The following EFCAB6 variants were observed in gnomAD, a reference collection of about 807,000 sequenced individuals.
EFCAB6 encodes the protein EF-hand calcium-binding domain-containing protein 6.
A neutral mutation model predicts 169.8 loss-of-function variants in EFCAB6; 156 were observed. That is an observed-to-expected ratio of 0.92 (90% CI 0.81 to 1.05). The LOEUF (loss-of-function observed/expected upper bound fraction) is 1.05. EFCAB6 is among the 50% of genes least tolerant of loss of function. EFCAB6 has a pLI of 0.00. For synonymous variants in EFCAB6, 698 were observed against 676.4 expected, an observed-to-expected ratio of 1.03 and a Z score of -0.50; for missense variants, 1,800 against 1,829.1, an observed-to-expected ratio of 0.98 and a Z score of 0.29.
chr22:43,693,265 T>G (rs2058469469), intron 10 of EFCAB6, among the ~76,000 whole-genome samples: 1 of 151,802 alleles, frequency 6.6e-6, no homozygotes, highest in African/African-American at 2.4e-5. Context: ...GTGATCAAGG[T>G]CAACATCAAC....
chr22:43,779,224 C>T (rs544543466), intron 3 of EFCAB6, among the ~76,000 whole-genome samples: 276 of 152,268 alleles, frequency 1.8e-3, no homozygotes, highest in Non-Finnish European at 2.9e-3. Flanking sequence ...TGACTATGAA[C>T]TCAGGTCTAT....
chr22:43,636,601 GTTCTT>G (rs1434325575), intron 17 of EFCAB6, among the ~76,000 whole-genome samples: 16 of 147,850 alleles, frequency 1.1e-4, no homozygotes, highest in East Asian at 7.9e-4. Context: ...TTCAAACCCA[GTTCTT>G]TTCTTTTTTT....
At chr22:43,571,459 G>T (rs1172745674) in intron 26 of EFCAB6, among the ~76,000 whole-genome samples, 1 of 152,126 alleles carries the variant, frequency 6.6e-6, no homozygotes, top group African/African-American at 2.4e-5. Context: ...TGAGCTTAAG[G>T]ATGATGCATT....
At chr22:43,708,021 T>C (rs2059016575) in intron 10 of EFCAB6, among the ~76,000 whole-genome samples, 2 of 103,340 alleles carry the variant, frequency 1.9e-5, no homozygotes, top group East Asian at 2.6e-4. Flanking sequence ...AAAACCACTA[T>C]AAGAATAGAA....
At chr22:43,677,893 C>G in intron 13 of EFCAB6, 103 bp downstream of exon 13, 1 of 1,199,350 alleles carries the variant, frequency 8.3e-7, no homozygotes, top group Non-Finnish European at 1.1e-6. Context: ...ACTGTAAAGT[C>G]GTTAATTTAT....
At chr22:43,750,484 A>G (rs58026138) in intron 6 of EFCAB6, among the ~76,000 whole-genome samples, 67 of 152,354 alleles carry the variant, frequency 4.4e-4, no homozygotes, top group African/African-American at 1.4e-3. Flanking sequence ...TATTTTCTTC[A>G]GATGAAAGAG....
chr22:43,583,424 CTTTATT>C (rs1417839247), intron 24 of EFCAB6, among the ~76,000 whole-genome samples: 1 of 151,548 alleles, frequency 6.6e-6, no homozygotes, highest in African/African-American at 2.4e-5. Flanking sequence ...ATGGATTTGT[CTTTATT>C]TGACAAGGTA....
intron 2 of EFCAB6, among the ~76,000 whole-genome samples, chr22:43,784,046 G>A (rs1475456702): frequency 1.3e-5 from 2 of 152,134 alleles, no homozygotes; most frequent in African/African-American, 4.8e-5. Flanking sequence ...TCCAGCCTGG[G>A]CAACAGAGAA....
intron 17 of EFCAB6, among the ~76,000 whole-genome samples, chr22:43,662,930 A>G (rs1439182743): frequency 1.3e-5 from 2 of 152,232 alleles, no homozygotes; most frequent in Non-Finnish European, 2.9e-5. Context: ...GACAGACATG[A>G]ATTCAAGTCC....
At chr22:43,624,846 T>C (rs1454040150) in intron 20 of EFCAB6, among the ~76,000 whole-genome samples, 2 of 152,174 alleles carry the variant, frequency 1.3e-5, no homozygotes, top group African/African-American at 2.4e-5. Context: ...AATAATAAGG[T>C]TGAGTCATCT....
intron 21 of EFCAB6, among the ~76,000 whole-genome samples, chr22:43,609,077 G>A (rs563110445): frequency 6.6e-6 from 1 of 152,276 alleles, no homozygotes; most frequent in Admixed American, 6.5e-5. Context: ...CATATAAGAG[G>A]ACCACAGACT....
intron 20 of EFCAB6, among the ~76,000 whole-genome samples, chr22:43,622,887 AG>A (rs761409151): frequency 1.9e-4 from 29 of 152,232 alleles, no homozygotes; most frequent in Admixed American, 1.3e-3. Context: ...GTATTTCTCA[AG>A]AATGTATAAA....
At position 43,667,187 on chromosome 22, in the gene EFCAB6, G is replaced by T. The variant is rs945478034; in HGVS notation, c.1900C>A (p.Gln634Lys). Residue 634 changes from glutamine to lysine, a missense_variant, in exon 17 of 32, where the codon CAG becomes AAG. Physicochemically the swap from Gln to Lys is moderately conservative, Grantham distance 53. Coordinates refer to ENST00000262726, the MANE Select transcript of EFCAB6 (RefSeq NM_022785.4). ...VIEKFKKCIQ[Q>K]QDPAFKKRFL... ...CGTTTTTTGAATGCCGGGTCCTGCT[G>T]CTGTATACACTTTTTGAATTTTTCA... 1 of 1,613,954 alleles carries T rather than the reference G, an allele frequency of 6.2e-7. No homozygotes were observed. The highest frequency in any genetic ancestry group is 8.5e-7 in the Non-Finnish European group (1 of 1,179,996).
intron 17 of EFCAB6, among the ~76,000 whole-genome samples, chr22:43,658,801 T>C (rs1388235125): frequency 6.6e-5 from 10 of 152,114 alleles, no homozygotes; most frequent in Admixed American, 6.6e-4. Flanking sequence ...GTGAGGGACC[T>C]CCAATACAAA....
intron 6 of EFCAB6, among the ~76,000 whole-genome samples, chr22:43,754,915 G>A (rs2060900821): frequency 6.6e-6 from 1 of 152,138 alleles, no homozygotes; most frequent in Non-Finnish European, 1.5e-5. Flanking sequence ...TTATACCTGG[G>A]TTCTGAATAA....
chr22:43,683,537 A>G, intron 12 of EFCAB6: 1 of 540,856 alleles, frequency 1.8e-6, no homozygotes, highest in Non-Finnish European at 3.3e-6. Flanking sequence ...TTAATTTTCC[A>G]TCGTCCGTCT....
chr22:43,626,667 C>T lies in EFCAB6; in HGVS notation c.2245G>A (p.Ala749Thr). ...CTGTCAGCATCTGTTTTAAAGAAGGCAGAGTAGGGGTCCTAAAAACAAAAC... is the reference window on the plus strand; with the variant it reads ...CTGTCAGCATCTGTTTTAAAGAAGGTAGAGTAGGGGTCCTAAAAACAAAAC... ...LKESFRDPYS[A>T]FFKTDADRDG... is the part of the protein sequence containing the mutation. Residue 749 changes from alanine to threonine, a missense_variant, in exon 20 of 32, where the codon GCC (alanine) becomes ACC (threonine). By Grantham distance (58) the Ala-to-Thr change is moderately conservative (BLOSUM62 0). Transcript: ENST00000262726. 1 of 1,614,122 alleles carries T rather than the reference C, an allele frequency of 6.2e-7. No homozygotes were observed. The highest frequency in any genetic ancestry group is 8.5e-7 in the Non-Finnish European group (1 of 1,180,022).
chr22:43,626,680 CT>C lies in EFCAB6; in HGVS notation c.2233-2del. ...TTTTAAAGAAGGCAGAGTAGGGGTC[CT>C]AAAAACAAAACACACACGTCAAAGC... is the stretch of plus-strand genomic sequence containing the variant. On this transcript the variant is annotated splice_acceptor_variant, in intron 19 of 31. Transcript: ENST00000262726. LOFTEE classifies it high-confidence loss of function. 3.1e-6 allele frequency: 5 copies of C among 1,614,030 alleles called. No individual in the cohort carries two copies. Among genetic ancestry groups the C allele is most frequent in the Non-Finnish European group, 4.2e-6 (5 of 1,179,992 alleles).
chr22:43,532,485 C>T (rs1210933690), intron 30 of EFCAB6, among the ~76,000 whole-genome samples: 1 of 152,228 alleles, frequency 6.6e-6, no homozygotes, highest in Non-Finnish European at 1.5e-5. Context: ...CCACGTGTCT[C>T]CATGTTCTCC....
Sources: gnomAD v4.1 joint callset for allele counts (sites outside exome capture counted in the v4.1 genomes callset) on GRCh38, gnomAD v4.1.1 for gene constraint, MANE v1.5 for transcripts, NCBI Gene and HGNC (gene_info 2026-07-23, HGNC 2026-07-21) for gene names.